ZNF180: variants seen among roughly 807,000 people sequenced by gnomAD.
ZNF180 encodes the protein zinc finger protein 180, also known as zinc finger protein 180 (HHZ168).
Under a neutral mutation model 11.8 loss-of-function variants are expected in ZNF180, and 11 were observed. The ratio of observed to expected loss-of-function variants is 0.93; its 90% CI spans 0.59 to 1.55. The LOEUF (loss-of-function observed/expected upper bound fraction) is 1.55, where lower values mean the gene tolerates loss of function less well. Among genes scored for constraint, ZNF180 ranks in the 40% most tolerant of loss-of-function variants. The pLI is 0.00. For missense variants in ZNF180, 773 were observed against 781.7 expected, an observed-to-expected ratio of 0.99 and a Z score of 0.13; for synonymous variants, 287 against 257.7, an observed-to-expected ratio of 1.11 and a Z score of -1.09.
chr19:44,494,989 G>A (rs769798840), intron 2 of ZNF180, among the ~76,000 whole-genome samples: 3 of 152,026 alleles, frequency 2.0e-5, no homozygotes, highest in Admixed American at 6.5e-5. Context: ...GCACACATAC[G>A]CACACCGATA....
chr19:44,476,875 G>A lies in ZNF180; in HGVS notation c.1525C>T (p.Leu509Phe). ...GTGTGAGTTCTTTGATGTGCAACAA[G>A]CTGAGAGCTCCAGCTGAAGGATTTC... is the stretch of plus-strand genomic sequence containing the variant. ...CGKSFSWSSQ[L>F]VAHQRTHTGE... The change falls in exon 5 of 5, where the codon CTT becomes TTT. Residue 509 changes from leucine (L) to phenylalanine (F), a missense_variant. Coordinates refer to ENST00000592529, the MANE Select transcript of ZNF180 (RefSeq NM_001278509.3). 6.2e-7 allele frequency: 1 copy of A among 1,614,170 alleles called. No homozygotes were observed. The highest frequency in any genetic ancestry group is 8.5e-7 in the Non-Finnish European group (1 of 1,180,026).
At position 44,495,748 on chromosome 19, in the gene ZNF180, C is replaced by A. The variant is rs1379150744; in HGVS notation, c.51+1536G>T. 6.6e-6 allele frequency among the ~76,000 whole-genome samples: 1 copy of A among 152,124 alleles called. No homozygotes were observed. Among genetic ancestry groups the A allele is most frequent in the Non-Finnish European group, 1.5e-5 (1 of 68,022 alleles). On this transcript the variant is annotated intron_variant, in intron 2 of 4. Coordinates refer to ENST00000592529, the MANE Select transcript of ZNF180 (RefSeq NM_001278509.3). The surrounding 1 kb of genome is among the most constrained non-coding windows in gnomAD (Gnocchi z 4.5). ...CCCACATTGGGCTGCACCACGTGCACAAGCGACTTCTTCATTCCACTTGGG... is the reference window on the plus strand; with the variant it reads ...CCCACATTGGGCTGCACCACGTGCAAAAGCGACTTCTTCATTCCACTTGGG...
In ZNF180 at chr19:44,495,913, G is replaced by A. The variant is rs938339677; in HGVS notation, c.51+1371C>T. On this transcript the variant is annotated intron_variant, in intron 2 of 4. Transcript: ENST00000592529. The surrounding 1 kb of genome is among the most constrained non-coding windows in gnomAD (Gnocchi z 4.5). ...GCCCCCTAACACTGCCCCACCTCAC[G>A]GCTTCAAGGCTGACTTGTTCAGGAA... 2.0e-5 allele frequency among the ~76,000 whole-genome samples: 3 copies of A among 152,270 alleles called. No individual in the cohort carries two copies. The highest frequency in any genetic ancestry group is 4.8e-5 in the African/African-American group (2 of 41,542).
At position 44,477,471 on chromosome 19, in the gene ZNF180, CTA is replaced by C; in HGVS notation, c.927_928del (p.His309GlnfsTer11). ...TCTCATGTTTTGAGTAAGGGAGGAA[CTA>C]TGAGAGGTTTCACTACATTTATATT... On this transcript the variant is annotated frameshift_variant, in exon 5 of 5. Transcript: ENST00000592529. LOFTEE classifies it low-confidence loss of function (END_TRUNC). The C allele has an allele frequency of 6.2e-7, 1 of 1,614,044 alleles. No individual in the cohort carries two copies. Among genetic ancestry groups the C allele is most frequent in the South Asian group, 1.1e-5 (1 of 91,062 alleles).
rs912972513 is a variant in ZNF180, at chr19:44,475,530, T to C, written c.*872A>G. 1 of 152,220 alleles carries C rather than the reference T, an allele frequency of 6.6e-6. No individual in the cohort carries two copies. The highest frequency in any genetic ancestry group is 1.5e-5 in the Non-Finnish European group (1 of 68,028). The allele number at this position is 152,220 out of a possible 1,614,324, so 9.4% of individuals were successfully genotyped here. A position where few individuals can be genotyped will look rare whatever the true frequency, so the allele number is the denominator to read the frequency against. On this transcript the variant is annotated 3_prime_UTR_variant, in exon 5 of 5. Coordinates refer to ENST00000592529, the MANE Select transcript of ZNF180 (RefSeq NM_001278509.3). ...TCCTAGGAATCTATGTCCTAAGTAG[T>C]AATCTGCTCATGCTATTCCAAACAT...
intron 2 of ZNF180, among the ~76,000 whole-genome samples, chr19:44,488,992 C>T (rs1474965005): frequency 6.6e-6 from 1 of 150,634 alleles, no homozygotes; most frequent in Non-Finnish European, 1.5e-5. Flanking sequence ...CTCCGCCCGG[C>T]AGCCACCCTG....
chr19:44,488,439 A>AT (rs552288139), intron 2 of ZNF180, among the ~76,000 whole-genome samples: 3,375 of 152,036 alleles, frequency 0.022, 100 homozygotes, highest in African/African-American at 0.076. Flanking sequence ...TGGTTTTCGT[A>AT]TTTTTTTGGT....
At chr19:44,485,595 C>T (rs1291461374) in intron 2 of ZNF180, among the ~76,000 whole-genome samples, 1 of 152,218 alleles carries the variant, frequency 6.6e-6, no homozygotes, top group Non-Finnish European at 1.5e-5. Context: ...ATGACTCCAG[C>T]TCTGGCAGCC....
At chr19:44,479,577 T>C in intron 3 of ZNF180, 168 bp from the exon 4 acceptor site, 1 of 815,184 alleles carries the variant, frequency 1.2e-6, no homozygotes, top group Non-Finnish European at 1.9e-6. Flanking sequence ...GCCTTCTGGG[T>C]GAGCTCTTTG....
At chr19:44,499,805 C>A (rs1331840891) in intron 1 of ZNF180, among the ~76,000 whole-genome samples, 1 of 152,162 alleles carries the variant, frequency 6.6e-6, no homozygotes, top group Non-Finnish European at 1.5e-5. Flanking sequence ...GGCCCAGAGC[C>A]ACCTGCTCGG....
intron 3 of ZNF180, among the ~76,000 whole-genome samples, chr19:44,481,423 G>A (rs1351519770): frequency 1.3e-5 from 2 of 152,038 alleles, no homozygotes; most frequent in Admixed American, 6.5e-5. Context: ...AATCTTTAAG[G>A]TATTGTCTTT....
chr19:44,476,419 G>A lies in ZNF180; in HGVS notation c.1981C>T (p.Leu661Phe), dbSNP rs1600062149. The change falls in exon 5 of 5, where the codon CTC (leucine) becomes TTC (phenylalanine). Residue 661 changes from leucine (L) to phenylalanine (F), a missense_variant. Coordinates refer to ENST00000592529, the MANE Select transcript of ZNF180 (RefSeq NM_001278509.3). ...RHQATHTEEK[L>F]YECN is the part of the protein sequence containing the mutation. ...TTTACAAACTAGTTACATTCATAGA[G>A]TTTCTCTTCAGTATGAGTTGCCTGA... is the stretch of plus-strand genomic sequence containing the variant. 6.3e-7 allele frequency: 1 copy of A among 1,590,834 alleles called. No homozygotes were observed. Among genetic ancestry groups the A allele is most frequent in the Non-Finnish European group, 8.6e-7 (1 of 1,168,460 alleles).
intron 1 of ZNF180, among the ~76,000 whole-genome samples, chr19:44,498,727 C>T (rs190352731): frequency 1.4e-4 from 22 of 152,312 alleles, no homozygotes; most frequent in African/African-American, 2.9e-4. Flanking sequence ...ACCTGGGCAT[C>T]CTCAGGCAGA....
intron 1 of ZNF180, 73 bp downstream of exon 1, chr19:44,500,202 G>T: frequency 6.2e-7 from 1 of 1,614,098 alleles, no homozygotes. Flanking sequence ...ACTCACCACC[G>T]CTTCCAGCTT....
rs200561645 is a variant in ZNF180 at position 44,477,534 on chromosome 19, T to C, written c.866A>G (p.His289Arg). The C allele has an allele frequency of 2.5e-6, 4 of 1,614,154 alleles. No individual in the cohort carries two copies. The highest frequency in any genetic ancestry group is 4.5e-5 in the East Asian group (2 of 44,890). The change falls in exon 5 of 5, where the codon CAT becomes CGT. Residue 289 changes from histidine (H) to arginine (R), a missense_variant. By Grantham distance (29) the His-to-Arg change is conservative (BLOSUM62 0). Transcript: ENST00000592529. ...AAAAGGAATTCTCTGTTGTTCATTA[T>C]GGGATATTTTGGGGTTCAAAACCTG... ...CGQVLNPKISHNEQQRIPFEE... is the reference protein window; with the variant it reads ...CGQVLNPKISRNEQQRIPFEE...
Position 44,475,648 on chromosome 19 carries a change from T to C in ZNF180, c.*754A>G, listed in dbSNP as rs1969844278. The stretch of plus-strand genomic sequence containing the variant: ...AAATCTTTGTATTTCATTTTTGGCT[T>C]TGAATAATTTTTACTCATTATATCA... On this transcript the variant is annotated 3_prime_UTR_variant, in exon 5 of 5. Coordinates refer to ENST00000592529, the MANE Select transcript of ZNF180 (RefSeq NM_001278509.3). 1 of 152,214 alleles carries C rather than the reference T, an allele frequency of 6.6e-6. No homozygotes were observed. Among genetic ancestry groups the C allele is most frequent in the African/African-American group, 2.4e-5 (1 of 41,460 alleles). 9.4% of individuals were successfully genotyped at this position (152,214 alleles called of 1,614,324 possible). A position where few individuals can be genotyped will look rare whatever the true frequency, so the allele number is the denominator to read the frequency against.
At chr19:44,492,199 T>G (rs927260972) in intron 2 of ZNF180, among the ~76,000 whole-genome samples, 4 of 152,240 alleles carry the variant, frequency 2.6e-5, no homozygotes, top group African/African-American at 9.6e-5. Flanking sequence ...CCCTGGGTCC[T>G]GGGTTCTATA....
Position 44,488,068 on chromosome 19 carries a change from CTCTCCCTCTCCCTCTCCCCACGG to C in ZNF180, c.52-3656_52-3634del, listed in dbSNP as rs1970280446. Reference sequence around the variant, plus strand: ...TGACGCCCTCGCCCTCGCCCTTGCCCTCTCCCTCTCCCTCTCCCCACGGTCTCCCTCTCCCTCTCTTTCCACGG... The same window carrying C: ...TGACGCCCTCGCCCTCGCCCTTGCCCTCTCCCTCTCCCTCTCTTTCCACGG... On this transcript the variant is annotated intron_variant, in intron 2 of 4. Transcript: ENST00000592529. Among the ~76,000 whole-genome samples, 514 of 104,802 alleles carry C rather than the reference CTCTCCCTCTCCCTCTCCCCACGG, an allele frequency of 4.9e-3. 1 individual carries two copies. Among genetic ancestry groups the C allele is most frequent in the Middle Eastern group, 0.011 (2 of 188 alleles). 68.8% of individuals were successfully genotyped at this position (104,802 alleles called of 152,430 possible).
At chr19:44,480,987 A>G (rs992574559) in intron 3 of ZNF180, among the ~76,000 whole-genome samples, 1 of 152,166 alleles carries the variant, frequency 6.6e-6, no homozygotes, top group Non-Finnish European at 1.5e-5. Context: ...TTCTGTTTCT[A>G]TCCATATCCA....
Sources: gnomAD v4.1 joint callset for allele counts (sites outside exome capture counted in the v4.1 genomes callset) on GRCh38, gnomAD v4.1.1 for gene constraint, Gnocchi (gnomAD v3.1) non-coding constraint, MANE v1.5 for transcripts, NCBI Gene and HGNC (gene_info 2026-07-23, HGNC 2026-07-21) for gene names.